Variants in DST observed in about 807,000 individuals in gnomAD.
The protein encoded by DST is bullous pemphigoid antigen.
A neutral mutation model predicts 875.2 loss-of-function variants in DST; 253 were observed. The ratio of observed to expected loss-of-function variants is 0.29; its 90% confidence interval spans 0.26 to 0.32. The LOEUF (loss-of-function observed/expected upper bound fraction) is 0.32, where lower values mean the gene tolerates loss of function less well. DST is among the 10% of genes least tolerant of loss of function. The pLI, the probability that DST is intolerant of heterozygous loss-of-function variation, is 1.00. For synonymous variants in DST, 3,124 were observed against 3,197.1 expected (o/e 0.98, Z 0.77); for missense variants, 8,287 against 9,111.6 (o/e 0.91, Z 3.68).
chr6:56,562,117 CAAATTA>C lies in DST; in HGVS notation c.14068+15_14068+20del. ...AACATCAAATTACATTAATCAGTAA[CAAATTA>C]AAATTAATACTCACCTTTATTTGCC... On this transcript the variant is annotated intron_variant, in intron 56 of 103. Coordinates refer to ENST00000680361, the MANE Select transcript of DST (RefSeq NM_001374736.1). 4.1e-6 allele frequency: 6 copies of C among 1,462,226 alleles called. No homozygotes were observed. Among genetic ancestry groups the C allele is most frequent in the Non-Finnish European group, 5.6e-6 (6 of 1,077,084 alleles). The allele number at this position is 1,462,226 out of a possible 1,614,324, so 90.6% of individuals were successfully genotyped here. A position where few individuals can be genotyped will look rare whatever the true frequency, so the allele number is the denominator to read the frequency against.
At chr6:56,748,579 C>A (rs2152948888) in intron 4 of DST, among the ~76,000 whole-genome samples, 1 of 152,310 alleles carries the variant, frequency 6.6e-6, no homozygotes, top group South Asian at 2.1e-4. Context: ...ATTAAATCAG[C>A]AAATTCTTAT....
intron 2 of DST, among the ~76,000 whole-genome samples, chr6:56,931,830 C>T (rs1810433012): frequency 6.6e-6 from 1 of 152,146 alleles, no homozygotes; most frequent in Non-Finnish European, 1.5e-5. Flanking sequence ...ACCTGTAACC[C>T]CATTGTATCT....
intron 10 of DST, among the ~76,000 whole-genome samples, chr6:56,655,034 G>A (rs2098998917): frequency 6.6e-6 from 1 of 151,828 alleles, no homozygotes; most frequent in African/African-American, 2.4e-5. Context: ...GGTGTCGGGT[G>A]CCTGTAACCC....
Position 56,611,611 on chromosome 6 carries a change from A to C in DST, c.5059-15T>G. The C allele has an allele frequency of 6.4e-7, 1 of 1,554,610 alleles. No homozygotes were observed. Among genetic ancestry groups the C allele is most frequent in the Non-Finnish European group, 8.9e-7 (1 of 1,129,532 alleles). On this transcript the variant is annotated splice_polypyrimidine_tract_variant and intron_variant, in intron 37 of 103. Coordinates refer to ENST00000680361, the MANE Select transcript of DST (RefSeq NM_001374736.1). Reference sequence around the variant, plus strand: ...TCACTGGAAATCTGTAAGGTAAAGAAGGCACATTCAAACTCTTCCTCCAAA... The same window carrying C: ...TCACTGGAAATCTGTAAGGTAAAGACGGCACATTCAAACTCTTCCTCCAAA...
chr6:56,728,772 G>C (rs937563148), intron 5 of DST, among the ~76,000 whole-genome samples: 1 of 152,120 alleles, frequency 6.6e-6, no homozygotes, highest in Non-Finnish European at 1.5e-5. Flanking sequence ...TGCCCTCGGG[G>C]AAGAGAGGAT....
At chr6:56,697,305 C>T (rs569418551) in intron 9 of DST, among the ~76,000 whole-genome samples, 1 of 152,342 alleles carries the variant, frequency 6.6e-6, no homozygotes, top group South Asian at 2.1e-4. Flanking sequence ...TGACCTTTAT[C>T]ACTACCTCAG....
chr6:56,673,096 A>C (rs2099110477), intron 9 of DST, among the ~76,000 whole-genome samples: 1 of 152,084 alleles, frequency 6.6e-6, no homozygotes, highest in Admixed American at 6.6e-5. Context: ...CTCTATTAAA[A>C]AAAAAATTAG....
rs41271876 is a variant in DST, at chr6:56,627,094, A to T, written c.4722+110T>A. The T allele has an allele frequency of 0.051, 44,813 of 872,434 alleles. 2,462 individuals are homozygous for T. Among genetic ancestry groups the T allele is most frequent in the African/African-American group, 0.24 (14,435 of 60,278 alleles). 54.0% of individuals were successfully genotyped at this position (872,434 alleles called of 1,614,324 possible). On this transcript the variant is annotated intron_variant, in intron 34 of 103. Transcript: ENST00000680361. ...ATTAGATAAGTGTCAAAAAAGTTCA[A>T]ATGAAGATTCTTTTAAACACTGAGT...
At chr6:56,481,965 T>G in intron 90 of DST, 85 bp downstream of exon 90, 1 of 1,402,460 alleles carries the variant, frequency 7.1e-7, no homozygotes, top group Non-Finnish European at 9.8e-7. Context: ...AAAATATTCA[T>G]GCAGTTGATA....
intron 4 of DST, among the ~76,000 whole-genome samples, chr6:56,740,148 G>A (rs2099541438): frequency 6.6e-6 from 1 of 152,186 alleles, no homozygotes; most frequent in Admixed American, 6.5e-5. Context: ...TAGGCCAGGC[G>A]TGAGCCACCG....
intron 4 of DST, among the ~76,000 whole-genome samples, chr6:56,828,311 G>A (rs1386561932): frequency 1.3e-5 from 2 of 152,156 alleles, no homozygotes; most frequent in Non-Finnish European, 2.9e-5. Context: ...TTATAATGCC[G>A]ATTTATATTA....
intron 9 of DST, among the ~76,000 whole-genome samples, chr6:56,678,190 C>G (rs2099139987): frequency 6.6e-6 from 1 of 152,234 alleles, no homozygotes; most frequent in Middle Eastern, 3.2e-3. Flanking sequence ...CCTGGACACC[C>G]AAATGCCATC....
intron 5 of DST, among the ~76,000 whole-genome samples, chr6:56,710,038 T>C (rs1294134681): frequency 6.6e-6 from 1 of 152,194 alleles, no homozygotes; most frequent in East Asian, 1.9e-4. Flanking sequence ...GAACTTTTCC[T>C]ACACAAAGAA....
chr6:56,650,325 C>CAAAAAAAAAAAAAA (rs70989721), intron 12 of DST, among the ~76,000 whole-genome samples: 1 of 48,700 alleles, frequency 2.1e-5, no homozygotes, highest in African/African-American at 7.8e-5. Context: ...CATAACCACC[C>CAAAAAAAAAAAAAA]AAAAAAAAAA....
intron 99 of DST, 36 bp from the exon 100 acceptor site, chr6:56,464,792 AGAATACT>A (rs1444565631): frequency 6.8e-7 from 1 of 1,461,306 alleles, no homozygotes; most frequent in Admixed American, 1.9e-5. Flanking sequence ...ATCACATTAA[AGAATACT>A]GTTAGCAGAA....
In DST at chr6:56,514,607, ACACACC is replaced by A. The variant is rs1321821300; in HGVS notation, c.18576+837_18576+842del. On this transcript the variant is annotated intron_variant, in intron 72 of 103. Transcript: ENST00000680361. ...CACACACACACACACACACACACAC[ACACACC>A]CCCTCATGCGCATACACACACACAT... 4.1e-3 allele frequency among the ~76,000 whole-genome samples: 85 copies of A among 20,632 alleles called. 1 individual carries two copies. The East Asian group carries it at 0.15, about 37-fold the overall frequency. 13.5% of individuals were successfully genotyped at this position (20,632 alleles called of 152,430 possible). A position where few individuals can be genotyped will look rare whatever the true frequency, so the allele number is the denominator to read the frequency against.
rs762774659 is a variant in DST at position 56,954,605 on chromosome 6, G to A, written c.-18C>T. The A allele has an allele frequency of 1.5e-6, 2 of 1,331,976 alleles. No homozygotes were observed. Among genetic ancestry groups the A allele is most frequent in the Non-Finnish European group, 2.0e-6 (2 of 1,004,580 alleles). 82.5% of individuals were successfully genotyped at this position (1,331,976 alleles called of 1,614,324 possible). On this transcript the variant is annotated 5_prime_UTR_variant, in exon 1 of 104. Coordinates refer to ENST00000680361, the MANE Select transcript of DST (RefSeq NM_001374736.1). ...GCGATCATGGTGCGGGCGAGGCGAG[G>A]GCGACTCGACGGCGGGGCTGGAGGG... is the stretch of plus-strand genomic sequence containing the variant.
chr6:56,813,728 A>G (rs1365619896), intron 4 of DST, among the ~76,000 whole-genome samples: 1 of 152,218 alleles, frequency 6.6e-6, no homozygotes, highest in African/African-American at 2.4e-5. Flanking sequence ...AAGGAGGGGA[A>G]ATGAAAATTC....
intron 4 of DST, chr6:56,844,145 G>A (rs1273266629): frequency 6.6e-6 from 1 of 152,454 alleles, no homozygotes; most frequent in Non-Finnish European, 1.5e-5. Context: ...AGGTCACTCT[G>A]TGACAGCACA....
Sources: allele counts gnomAD v4.1 joint callset (sites outside exome capture counted in the v4.1 genomes callset), GRCh38; gene constraint gnomAD v4.1.1; transcripts MANE v1.5; gene names NCBI Gene and HGNC (gene_info 2026-07-23, HGNC 2026-07-21).